Variants in BTD observed in about 807,000 individuals in gnomAD.
BTD encodes the protein biocytinase.
A neutral mutation model predicts 17.7 loss-of-function variants in BTD; 13 were observed. That is an observed-to-expected ratio of 0.74 (90% confidence interval 0.48 to 1.17). BTD has a LOEUF of 1.17. BTD is among the 50% of genes most tolerant of loss of function. BTD has a pLI of 0.00. For synonymous variants in BTD, 240 were observed against 245.2 expected (o/e 0.98, Z 0.20); for missense variants, 674 against 650.4 (o/e 1.04, Z -0.39).
intron 1 of BTD, among the ~76,000 whole-genome samples, chr3:15,617,766 G>T (rs1345903389): frequency 6.6e-6 from 1 of 152,114 alleles, no homozygotes; most frequent in Non-Finnish European, 1.5e-5. Flanking sequence ...TATTTATGTG[G>T]GTCTATTTCT....
chr3:15,705,858 G>GCAC (rs79619706), intron 3 of BTD, among the ~76,000 whole-genome samples: 26,799 of 151,816 alleles, frequency 0.18, 3,521 homozygotes, highest in East Asian at 0.58. Flanking sequence ...AATTAGCCAG[G>GCAC]CATGGTGGCA....
At chr3:15,706,327 G>A (rs1267636786) in intron 3 of BTD, among the ~76,000 whole-genome samples, 1 of 151,916 alleles carries the variant, frequency 6.6e-6, no homozygotes, top group Non-Finnish European at 1.5e-5. Context: ...ACCTATGAGT[G>A]AGAACATGTG....
rs2067653978 is a variant in BTD at position 15,682,536 on chromosome 3, CA to C, written c.400-27523del. ...GTTTAGAGCTTCATAAAAATGAACA[CA>C]TTTTTTAAAGGAATAATAAGTATTC... is the stretch of plus-strand genomic sequence containing the variant. On this transcript the variant is annotated intron_variant, in intron 3 of 3. Transcript: ENST00000672141. Among the ~76,000 whole-genome samples the C allele has an allele frequency of 2.0e-5, 3 of 152,280 alleles. No homozygotes were observed. The South Asian group carries it at 6.2e-4, about 32-fold the overall frequency.
chr3:15,677,686 G>T (rs902188124), intron 3 of BTD: 3 of 567,078 alleles, frequency 5.3e-6, no homozygotes, highest in Admixed American at 6.1e-5. Context: ...TTAAGTACAA[G>T]AAAAATATTG....
Position 15,630,066 on chromosome 3 carries a change from A to T in BTD, c.-16-5358A>T, listed in dbSNP as rs1006396249. On this transcript the variant is annotated intron_variant, in intron 1 of 3. Transcript: ENST00000643237. Reference sequence around the variant, plus strand: ...ATGGGCAGCGTCACTTTTTACATCCAGTCATATTGTATGAAATTGCAACAA... The same window carrying T: ...ATGGGCAGCGTCACTTTTTACATCCTGTCATATTGTATGAAATTGCAACAA... 3 of 985,344 alleles carry T rather than the reference A, an allele frequency of 3.0e-6. No individual in the cohort carries two copies. In the African/African-American group the frequency reaches 5.2e-5, roughly 17 times the overall value. 61.0% of individuals were successfully genotyped at this position (985,344 alleles called of 1,614,324 possible).
At chr3:15,613,732 C>T (rs1159589424) in intron 1 of BTD, among the ~76,000 whole-genome samples, 3 of 152,030 alleles carry the variant, frequency 2.0e-5, no homozygotes, top group South Asian at 2.1e-4. Context: ...TTCAAAAGAT[C>T]TTGAGCTTTT....
At chr3:15,636,882 A>C (rs1318544255) in intron 2 of BTD, among the ~76,000 whole-genome samples, 1 of 151,918 alleles carries the variant, frequency 6.6e-6, no homozygotes, top group East Asian at 1.9e-4. Context: ...AACCAAGACA[A>C]CTTTTGCAAG....
upstream of BTD, chr3:15,601,456 T>C (rs773917314): frequency 1.3e-5 from 21 of 1,613,154 alleles, no homozygotes; most frequent in East Asian, 4.5e-4. Context: ...GAAGTTACTG[T>C]CCGGCATCTT....
chr3:15,692,182 T>C (rs1056551692), intron 3 of BTD, among the ~76,000 whole-genome samples: 2 of 147,192 alleles, frequency 1.4e-5, no homozygotes, highest in African/African-American at 5.0e-5. Flanking sequence ...TTGGGCATGG[T>C]CACTCACACC....
intron 3 of BTD, among the ~76,000 whole-genome samples, chr3:15,663,378 ATC>A (rs1393737710): frequency 6.6e-6 from 1 of 152,194 alleles, no homozygotes; most frequent in East Asian, 1.9e-4. Flanking sequence ...TTCTGCTTCT[ATC>A]TCTGGAAAAC....
At chr3:15,607,427 C>A (rs935708696) in intron 1 of BTD, among the ~76,000 whole-genome samples, 24 of 152,176 alleles carry the variant, frequency 1.6e-4, no homozygotes, top group African/African-American at 5.5e-4. Context: ...AGGGAGATAT[C>A]CAGGCAACCA....
At chr3:15,662,309 T>C (rs1433471756) in intron 3 of BTD, among the ~76,000 whole-genome samples, 2 of 152,232 alleles carry the variant, frequency 1.3e-5, no homozygotes, top group Non-Finnish European at 2.9e-5. Context: ...GGAGTTTTCT[T>C]CATATAGATC....
At chr3:15,608,963 T>C (rs112629087) in intron 1 of BTD, among the ~76,000 whole-genome samples, 213 of 152,312 alleles carry the variant, frequency 1.4e-3, no homozygotes, top group African/African-American at 5.0e-3. Context: ...ATTTGTACTT[T>C]ATTGCTTTGT....
chr3:15,615,615 A>G (rs2064769543), intron 1 of BTD, among the ~76,000 whole-genome samples: 1 of 152,196 alleles, frequency 6.6e-6, no homozygotes, highest in Admixed American at 6.5e-5. Context: ...TTAAAAGAGA[A>G]GTTTTATGCT....
chr3:15,691,112 A>C (rs946425481), intron 3 of BTD, among the ~76,000 whole-genome samples: 11 of 151,894 alleles, frequency 7.2e-5, no homozygotes, highest in African/African-American at 2.2e-4. Flanking sequence ...AAGATTTGTC[A>C]GACTGAAGTT....
chr3:15,689,063 A>T (rs1446058310), intron 3 of BTD, among the ~76,000 whole-genome samples: 1 of 152,184 alleles, frequency 6.6e-6, no homozygotes, highest in Non-Finnish European at 1.5e-5. Flanking sequence ...GTTTTAAGTG[A>T]TGATAGTCTT....
intron 3 of BTD, among the ~76,000 whole-genome samples, chr3:15,658,796 C>T (rs972713033): frequency 1.3e-5 from 2 of 152,228 alleles, no homozygotes; most frequent in Non-Finnish European, 2.9e-5. Flanking sequence ...ATGTCACTCT[C>T]TTTCTGCAGA....
chr3:15,685,540 A>G, intron 3 of BTD: 1 of 1,021,044 alleles, frequency 9.8e-7, no homozygotes, highest in Non-Finnish European at 1.5e-6. Flanking sequence ...CATACTCTCC[A>G]TATCCTTCCA....
At chr3:15,657,752 C>T (rs1463302225), downstream of BTD, among the ~76,000 whole-genome samples, 1 of 151,838 alleles carries the variant, frequency 6.6e-6, no homozygotes, top group Non-Finnish European at 1.5e-5. Flanking sequence ...TCGAGGGCAC[C>T]TTCCACAGGA....
Sources: gnomAD v4.1 joint callset for allele counts (sites outside exome capture counted in the v4.1 genomes callset) on GRCh38, gnomAD v4.1.1 for gene constraint, MANE v1.5 for transcripts, NCBI Gene and HGNC (gene_info 2026-07-23, HGNC 2026-07-21) for gene names.